The following SFXN5 variants were observed in gnomAD, a reference collection of about 807,000 sequenced individuals.
The protein encoded by SFXN5 is sideroflexin 5, also known as sideroflexin-5.
In SFXN5, 43 loss-of-function variants were observed where a neutral mutation model predicts 50.2. The observed-to-expected ratio is 0.86, with a 90% CI of 0.67 to 1.11. The LOEUF is 1.11. SFXN5 is among the 50% of genes least tolerant of loss of function. The pLI, the probability that SFXN5 is intolerant of heterozygous loss-of-function variation, is 0.00. For missense variants in SFXN5, 463 were observed against 454.1 expected, an observed-to-expected ratio of 1.02 and a Z score of -0.18; for synonymous variants, 203 against 185.8, an observed-to-expected ratio of 1.09 and a Z score of -0.75.
In SFXN5 at chr2:72,961,231, G is replaced by A; in HGVS notation, c.845C>T (p.Ala282Val). ...CACAGGGAGGAGCAGCCGGGGGCGT[G>A]CCTGCAGGAGAGCCGTCCTGTGAGG... ...SMLEKTALLQ[A>V]RPRLLLPVQS... Residue 282 changes from alanine to valine, a missense_variant, in exon 13 of 14, where the codon GCA (alanine) becomes GTA (valine). Ala to Val is a moderately conservative substitution (Grantham distance 64, BLOSUM62 0). Transcript: ENST00000272433. The surrounding 1 kb of genome is among the most constrained non-coding windows in gnomAD (Gnocchi z 4.4). The A allele has an allele frequency of 6.5e-7, 1 of 1,535,016 alleles. No individual in the cohort carries two copies.
At chr2:73,054,240 T>C (rs1284689998) in intron 2 of SFXN5, among the ~76,000 whole-genome samples, 1 of 152,204 alleles carries the variant, frequency 6.6e-6, no homozygotes, top group Admixed American at 6.5e-5. Flanking sequence ...AGTGCAGATC[T>C]TTCTACAAAG....
intron 3 of SFXN5, 123 bp from the exon 4 acceptor site, chr2:73,023,337 G>T: frequency 1.0e-6 from 1 of 962,384 alleles, no homozygotes. Context: ...AAGAAGCTCG[G>T]GCTATCCTTG....
At position 72,984,027 on chromosome 2, in the gene SFXN5, T is replaced by C. The variant is rs547885554; in HGVS notation, c.625+4231A>G. 2.0e-5 allele frequency among the ~76,000 whole-genome samples: 3 copies of C among 152,370 alleles called. No individual in the cohort carries two copies. The East Asian group carries it at 5.8e-4, about 29-fold the overall frequency. On this transcript the variant is annotated intron_variant, in intron 10 of 13. Coordinates refer to ENST00000272433, the MANE Select transcript of SFXN5 (RefSeq NM_144579.3). The stretch of plus-strand genomic sequence containing the variant: ...AATTAACGGAGGGCCCGCTCCGAGC[T>C]TGAGCTCCTGAACACAATTAGGCGT...
chr2:73,055,775 C>A (rs1381342343), intron 2 of SFXN5, among the ~76,000 whole-genome samples: 1 of 152,126 alleles, frequency 6.6e-6, no homozygotes, highest in African/African-American at 2.4e-5. Flanking sequence ...CACTACCACG[C>A]CTGGCTAATT....
intron 3 of SFXN5, among the ~76,000 whole-genome samples, chr2:73,038,073 G>C (rs1179265485): frequency 6.6e-6 from 1 of 152,174 alleles, no homozygotes; most frequent in Non-Finnish European, 1.5e-5. Flanking sequence ...GCATCATTAG[G>C]TGATTTCATC....
In SFXN5 at chr2:72,945,831, C is replaced by T. The variant is rs1381018317; in HGVS notation, c.946-732G>A. On this transcript the variant is annotated intron_variant, in intron 13 of 13. Transcript: ENST00000272433. This position sits in a 1 kb window ranked among gnomAD's most constrained non-coding sequence, Gnocchi z 5.8. Reference sequence around the variant, plus strand: ...GACCCCCAACCACTGCAGACAACCACCCCACCCCTGCCCCCATAGCCAGGT... The same window carrying T: ...GACCCCCAACCACTGCAGACAACCATCCCACCCCTGCCCCCATAGCCAGGT... Among the ~76,000 whole-genome samples, 1 of 151,996 alleles carries T rather than the reference C, an allele frequency of 6.6e-6. No homozygotes were observed. The highest frequency in any genetic ancestry group is 1.5e-5 in the Non-Finnish European group (1 of 68,008).
chr2:72,981,727 T>G (rs903606980), intron 10 of SFXN5, among the ~76,000 whole-genome samples: 1 of 152,170 alleles, frequency 6.6e-6, no homozygotes, highest in Non-Finnish European at 1.5e-5. Context: ...CCACCAATTC[T>G]GGCACCCAGC....
At chr2:73,068,001 G>A (rs1054636527) in intron 1 of SFXN5, among the ~76,000 whole-genome samples, 2 of 152,114 alleles carry the variant, frequency 1.3e-5, no homozygotes, top group Admixed American at 6.5e-5. Flanking sequence ...CTTGGCTATC[G>A]TCACCATCTT....
At chr2:73,007,846 G>A (rs1674916124) in intron 6 of SFXN5, among the ~76,000 whole-genome samples, 1 of 152,310 alleles carries the variant, frequency 6.6e-6, no homozygotes, top group East Asian at 1.9e-4. Context: ...CAGTGTATAA[G>A]GGGTGTTGCT....
intron 5 of SFXN5, among the ~76,000 whole-genome samples, chr2:73,021,662 C>A (rs947237380): frequency 1.3e-5 from 2 of 152,170 alleles, no homozygotes; most frequent in African/African-American, 2.4e-5. Flanking sequence ...CCCTGAGGGA[C>A]CCATTTGACT....
At chr2:73,052,346 GTGTGTGTGTA>G in intron 2 of SFXN5, among the ~76,000 whole-genome samples, 2 of 133,932 alleles carry the variant, frequency 1.5e-5, no homozygotes, top group South Asian at 4.8e-4. Context: ...GAGAGTGTGT[GTGTGTGTGTA>G]TGCGTGTGTG....
chr2:73,000,313 A>AGGAG, intron 8 of SFXN5, 118 bp downstream of exon 8: 1 of 936,682 alleles, frequency 1.1e-6, no homozygotes, highest in Non-Finnish European at 1.6e-6. Flanking sequence ...AGATATCTAG[A>AGGAG]GGAGGGCCAT....
intron 2 of SFXN5, among the ~76,000 whole-genome samples, chr2:73,051,257 C>CTTATTTT (rs1553524257): frequency 2.6e-5 from 3 of 114,790 alleles, no homozygotes; most frequent in African/African-American, 1.1e-4. Flanking sequence ...TTTTCCAGCA[C>CTTATTTT]TTTTTTTTTT....
At chr2:72,984,017 C>G (rs141223398) in intron 10 of SFXN5, among the ~76,000 whole-genome samples, 9 of 152,342 alleles carry the variant, frequency 5.9e-5, no homozygotes, top group African/African-American at 2.2e-4. Flanking sequence ...ACGGAGGGCC[C>G]GCTCCGAGCT....
intron 3 of SFXN5, among the ~76,000 whole-genome samples, chr2:73,040,605 T>C (rs1679495699): frequency 6.6e-6 from 1 of 152,216 alleles, no homozygotes; most frequent in African/African-American, 2.4e-5. Context: ...CGCAAGCCAG[T>C]GCGGGCCAGC....
At chr2:72,969,439 G>C (rs1036645515) in intron 11 of SFXN5, among the ~76,000 whole-genome samples, 4 of 152,064 alleles carry the variant, frequency 2.6e-5, no homozygotes, top group Non-Finnish European at 5.9e-5. Flanking sequence ...CTGTTGCCCA[G>C]GCTGGAGTGC....
chr2:72,963,435 G>C (rs1559092960), intron 12 of SFXN5, among the ~76,000 whole-genome samples: 1 of 152,006 alleles, frequency 6.6e-6, no homozygotes, highest in Non-Finnish European at 1.5e-5. Flanking sequence ...TCTGAGGCCT[G>C]GGCTCCCAGC....
At chr2:72,968,652 A>C in intron 11 of SFXN5, 119 bp from the exon 12 acceptor site, 1 of 773,898 alleles carries the variant, frequency 1.3e-6, no homozygotes, top group Non-Finnish European at 2.0e-6. Flanking sequence ...GGCCTTATTC[A>C]TGGGATTGCT....
chr2:73,051,485 T>C (rs1681319641), intron 2 of SFXN5, among the ~76,000 whole-genome samples: 1 of 152,186 alleles, frequency 6.6e-6, no homozygotes, highest in Non-Finnish European at 1.5e-5. Context: ...CTTGAACTCC[T>C]GACCTTGTGA....
Sources: gnomAD v4.1 joint callset for allele counts (sites outside exome capture counted in the v4.1 genomes callset) on GRCh38, gnomAD v4.1.1 for gene constraint, Gnocchi (gnomAD v3.1) non-coding constraint, MANE v1.5 for transcripts, NCBI Gene and HGNC (gene_info 2026-07-23, HGNC 2026-07-21) for gene names.